The following EPHB1 variants were observed in gnomAD, a reference collection of about 807,000 sequenced individuals.
EPHB1 encodes the protein ephrin type-B receptor 1.
In EPHB1, 30 loss-of-function variants were observed where a neutral mutation model predicts 94.4. The observed-to-expected ratio is 0.32, with a 90% CI of 0.24 to 0.43. The LOEUF is 0.43. Ranked by LOEUF, EPHB1 falls within the 20% of genes least tolerant of loss-of-function variation. The pLI is 1.00. For synonymous variants in EPHB1, 522 were observed against 489.1 expected (o/e 1.07, Z -0.89); for missense variants, 1,055 against 1,308.3 (o/e 0.81, Z 2.99).
intron 2 of EPHB1, among the ~76,000 whole-genome samples, chr3:134,934,913 C>T (rs1173549250): frequency 6.6e-6 from 1 of 152,146 alleles, no homozygotes; most frequent in Admixed American, 6.5e-5. Context: ...TACCTAAGCC[C>T]ACCTTCTCCC....
chr3:134,933,664 G>T (rs952351362), intron 2 of EPHB1, among the ~76,000 whole-genome samples: 7 of 152,188 alleles, frequency 4.6e-5, no homozygotes, highest in Non-Finnish European at 1.0e-4. Flanking sequence ...GGAGCAGCTG[G>T]TAAATTGCCT....
At chr3:135,107,070 C>T (rs141550399) in intron 4 of EPHB1, among the ~76,000 whole-genome samples, 1 of 152,278 alleles carries the variant, frequency 6.6e-6, no homozygotes, top group East Asian at 1.9e-4. Flanking sequence ...ATCTCAGTTA[C>T]CAAATGAAGA....
chr3:135,155,787 C>CAAAAAAAAA (rs35095229), intron 6 of EPHB1, among the ~76,000 whole-genome samples: 1 of 59,476 alleles, frequency 1.7e-5, no homozygotes, highest in Admixed American at 2.2e-4. Context: ...AAGACTTTGT[C>CAAAAAAAAA]AAAAAAAAAA....
At chr3:135,186,223 G>A (rs1452213756) in intron 10 of EPHB1, among the ~76,000 whole-genome samples, 1 of 152,198 alleles carries the variant, frequency 6.6e-6, no homozygotes, top group African/African-American at 2.4e-5. Flanking sequence ...TGGATATTAG[G>A]TATTGTGAAT....
chr3:135,227,211 A>T (rs1286663505), intron 12 of EPHB1, among the ~76,000 whole-genome samples: 2 of 152,250 alleles, frequency 1.3e-5, no homozygotes, highest in African/African-American at 4.8e-5. Flanking sequence ...TTTAAAGTAA[A>T]AAGTGAGTCT....
At position 135,109,037 on chromosome 3, in the gene EPHB1, G is replaced by T. The variant is rs547177900; in HGVS notation, c.961+2434G>T. On this transcript the variant is annotated intron_variant, in intron 4 of 15. Transcript: ENST00000398015. Reference sequence around the variant, plus strand: ...GAAGGTGCAGCCCCACCAGCAGGGAGGGGTTGCGAAGGTTATGGACTGAGG... The same window carrying T: ...GAAGGTGCAGCCCCACCAGCAGGGATGGGTTGCGAAGGTTATGGACTGAGG... 3.3e-5 allele frequency among the ~76,000 whole-genome samples: 5 copies of T among 152,302 alleles called. No homozygotes were observed. In the East Asian group the frequency reaches 9.6e-4, roughly 29 times the overall value.
chr3:135,152,386 G>A (rs1246418970), intron 5 of EPHB1, among the ~76,000 whole-genome samples: 3 of 152,206 alleles, frequency 2.0e-5, no homozygotes, highest in Non-Finnish European at 4.4e-5. Context: ...CCTCTCTGGG[G>A]GTACAGCAGG....
intron 1 of EPHB1, among the ~76,000 whole-genome samples, chr3:134,895,772 G>C (rs1025164639): frequency 6.6e-6 from 1 of 152,200 alleles, no homozygotes. Flanking sequence ...GCTGATAACA[G>C]AAGAGCGAGC....
At position 134,951,306 on chromosome 3, in the gene EPHB1, T is replaced by C. The variant is rs1933018913; in HGVS notation, c.124-65T>C. On this transcript the variant is annotated intron_variant, in intron 2 of 15. Transcript: ENST00000398015. This position sits in a 1 kb window ranked among gnomAD's most constrained non-coding sequence, Gnocchi z 4.5. The stretch of plus-strand genomic sequence containing the variant: ...CCAGGATTCTCCTCTGCTATGCCTA[T>C]TTTTGTATTCTCACTCTCTATTTTG... 1 of 1,433,298 alleles carries C rather than the reference T, an allele frequency of 7.0e-7. No individual in the cohort carries two copies. The highest frequency in any genetic ancestry group is 9.3e-7 in the Non-Finnish European group (1 of 1,077,182). The allele number at this position is 1,433,298 out of a possible 1,614,324, so 88.8% of individuals were successfully genotyped here.
intron 3 of EPHB1, among the ~76,000 whole-genome samples, chr3:134,957,867 C>T (rs1933342288): frequency 6.6e-6 from 1 of 152,164 alleles, no homozygotes; most frequent in Non-Finnish European, 1.5e-5. Context: ...TTCCAGAAGG[C>T]TCTCAGATCA....
intron 6 of EPHB1, among the ~76,000 whole-genome samples, chr3:135,160,125 A>C (rs1278531546): frequency 6.6e-6 from 1 of 151,960 alleles, no homozygotes; most frequent in African/African-American, 2.4e-5. Flanking sequence ...TTACCAGTCC[A>C]CCCACAGATG....
chr3:135,009,609 G>A (rs1177416156), intron 3 of EPHB1, among the ~76,000 whole-genome samples: 2 of 152,214 alleles, frequency 1.3e-5, no homozygotes, highest in Admixed American at 6.5e-5. Context: ...GAGACAGAGG[G>A]TTTGCAACTA....
chr3:134,977,901 C>A, intron 3 of EPHB1: 1 of 448,586 alleles, frequency 2.2e-6, no homozygotes, highest in South Asian at 1.6e-5. Flanking sequence ...CTGGTTCTAC[C>A]TGTGAAGGAG....
chr3:134,804,069 C>CTTTTTTTTTT, intron 1 of EPHB1, among the ~76,000 whole-genome samples: 1 of 51,832 alleles, frequency 1.9e-5, no homozygotes, highest in South Asian at 4.7e-4. Flanking sequence ...TCATTATTGG[C>CTTTTTTTTTT]TATTTTTTTT....
intron 3 of EPHB1, among the ~76,000 whole-genome samples, chr3:134,962,830 C>T (rs1933573777): frequency 6.6e-6 from 1 of 152,006 alleles, no homozygotes; most frequent in Non-Finnish European, 1.5e-5. Context: ...CAGCCTTCAC[C>T]AGACCTGCCA....
At position 134,985,118 on chromosome 3, in the gene EPHB1, C is replaced by T. The variant is rs147955253; in HGVS notation, c.805+33066C>T. Among the ~76,000 whole-genome samples, 1,385 of 152,186 alleles carry T rather than the reference C, an allele frequency of 9.1e-3. 14 individuals carry two copies. Among genetic ancestry groups the T allele is most frequent in the Middle Eastern group, 0.037 (11 of 294 alleles). On this transcript the variant is annotated intron_variant, in intron 3 of 15. Coordinates refer to ENST00000398015, the MANE Select transcript of EPHB1 (RefSeq NM_004441.5). ...CTCTGGACCACTTTCAGTAGACTAC[C>T]CTACAAGAGTTGGCTTGTTCCCTGG...
chr3:135,113,578 C>T (rs982415110), intron 4 of EPHB1, among the ~76,000 whole-genome samples: 15 of 152,200 alleles, frequency 9.9e-5, no homozygotes, highest in African/African-American at 3.4e-4. Context: ...CATGACAGCT[C>T]GTGTCTTGTG....
chr3:135,099,322 CG>C (rs1938941120), intron 3 of EPHB1, among the ~76,000 whole-genome samples: 1 of 27,528 alleles, frequency 3.6e-5, no homozygotes, highest in East Asian at 8.2e-3. Context: ...GATGGATGGA[CG>C]GATGGATGGA....
chr3:134,828,840 A>G (rs73229129), intron 1 of EPHB1, among the ~76,000 whole-genome samples: 9,058 of 152,248 alleles, frequency 0.059, 321 homozygotes, highest in Middle Eastern at 0.13. Context: ...CTTCTCAAGT[A>G]TGAGAAGTTC....
Sources: gnomAD v4.1 joint callset for allele counts (sites outside exome capture counted in the v4.1 genomes callset) on GRCh38, gnomAD v4.1.1 for gene constraint, Gnocchi (gnomAD v3.1) non-coding constraint, MANE v1.5 for transcripts, NCBI Gene and HGNC (gene_info 2026-07-23, HGNC 2026-07-21) for gene names.